The following OSBPL9 variants were observed in gnomAD, a reference collection of about 807,000 sequenced individuals.
OSBPL9 encodes the protein oxysterol-binding protein-related protein 9.
Under a neutral mutation model 106.6 loss-of-function variants are expected in OSBPL9, and 40 were observed. The ratio of observed to expected loss-of-function variants is 0.38; its 90% confidence interval spans 0.29 to 0.49. OSBPL9 has a LOEUF of 0.49. Ranked by LOEUF, OSBPL9 falls within the 20% of genes least tolerant of loss-of-function variation. The pLI is 0.97. For missense variants in OSBPL9, 609 were observed against 887.2 expected (o/e 0.69, Z 3.98); for synonymous variants, 269 against 295.4 (o/e 0.91, Z 0.92).
rs373427197 is a variant in OSBPL9, at chr1:51,707,806, C to T, written c.242-6197C>T. 2.9e-4 allele frequency: 51 copies of T among 174,426 alleles called. 1 individual carries two copies. The South Asian group carries it at 6.6e-3, about 23-fold the overall frequency. 10.8% of individuals were successfully genotyped at this position (174,426 alleles called of 1,614,324 possible). On this transcript the variant is annotated intron_variant, in intron 3 of 23. Transcript: ENST00000428468. ...GAGATGAAGACCCTTTTGGCTCTCC[C>T]CTCTAAGTGAGTCCCAGCCTTCTCC...
chr1:51,768,414 A>G (rs1180307523), intron 12 of OSBPL9, among the ~76,000 whole-genome samples: 1 of 148,514 alleles, frequency 6.7e-6, no homozygotes. Context: ...GGGTTTTGCC[A>G]TGTTGGCCAG....
At chr1:51,557,076 A>G in the OSBPL9 span, among the ~76,000 whole-genome samples, 4 of 152,074 alleles carry the variant, frequency 2.6e-5, no homozygotes, top group South Asian at 2.1e-4. Flanking sequence ...CATGTACCCC[A>G]TAAGTATATA....
chr1:51,748,483 G>T, intron 7 of OSBPL9, 85 bp downstream of exon 7: 1 of 1,315,298 alleles, frequency 7.6e-7, no homozygotes, highest in Non-Finnish European at 9.9e-7. Context: ...CACTATTGAT[G>T]ACAGCAATTG....
the OSBPL9 span, among the ~76,000 whole-genome samples, chr1:51,530,178 A>AAAAAAAAAAAAAAAAAC: frequency 8.8e-6 from 1 of 113,340 alleles, no homozygotes; most frequent in Non-Finnish European, 1.8e-5. Flanking sequence ...CTCAAAAAAA[A>AAAAAAAAAAAAAAAAAC]AAAAAAAAAA....
At chr1:51,671,671 C>G (rs1452830258) in intron 3 of OSBPL9, among the ~76,000 whole-genome samples, 1 of 151,746 alleles carries the variant, frequency 6.6e-6, no homozygotes, top group East Asian at 1.9e-4. Flanking sequence ...GTGATAAGTC[C>G]TGGGGAGAAA....
chr1:51,666,156 A>G (rs1163080531), intron 2 of OSBPL9, among the ~76,000 whole-genome samples: 1 of 152,154 alleles, frequency 6.6e-6, no homozygotes, highest in Non-Finnish European at 1.5e-5. Context: ...CCTCCGGAGA[A>G]GTTCTGTACA....
At chr1:51,775,833 A>C (rs1674953547) in intron 14 of OSBPL9, among the ~76,000 whole-genome samples, 1 of 151,826 alleles carries the variant, frequency 6.6e-6, no homozygotes, top group Non-Finnish European at 1.5e-5. Context: ...CTGGTCTCGA[A>C]CTCCTGACCT....
chr1:51,576,398 AG>A (rs1329293722), upstream of OSBPL9, among the ~76,000 whole-genome samples: 4 of 152,344 alleles, frequency 2.6e-5, no homozygotes, highest in South Asian at 6.2e-4. Context: ...CAAGGCAAAA[AG>A]ATGTGTTATG....
At chr1:51,584,827 GA>G (rs1418580472) in intron 1 of OSBPL9, among the ~76,000 whole-genome samples, 3 of 152,172 alleles carry the variant, frequency 2.0e-5, no homozygotes, top group Non-Finnish European at 4.4e-5. Context: ...AAAGGACCCT[GA>G]ATCAATCTCT....
intron 9 of OSBPL9, chr1:51,759,683 C>T (rs1671090206): frequency 6.6e-6 from 1 of 152,212 alleles, no homozygotes; most frequent in Non-Finnish European, 1.5e-5. Flanking sequence ...CATGTACACA[C>T]TCGCACCCCC....
chr1:51,651,623 A>T (rs1254443047), intron 1 of OSBPL9, among the ~76,000 whole-genome samples: 3 of 151,838 alleles, frequency 2.0e-5, no homozygotes, highest in Non-Finnish European at 2.9e-5. Flanking sequence ...AAAAAAAAAT[A>T]ATTATCTGGG....
intron 3 of OSBPL9, among the ~76,000 whole-genome samples, chr1:51,685,380 C>T (rs1653544107): frequency 6.6e-6 from 1 of 151,962 alleles, no homozygotes; most frequent in Non-Finnish European, 1.5e-5. Context: ...CTGGTAAATT[C>T]TCCAAGAAAA....
chr1:51,677,234 C>T (rs1651465576), intron 3 of OSBPL9, among the ~76,000 whole-genome samples: 1 of 152,224 alleles, frequency 6.6e-6, no homozygotes, highest in Non-Finnish European at 1.5e-5. Flanking sequence ...TTCTGATGCA[C>T]TCTTAAGTTT....
chr1:51,745,362 T>TTGA (rs1667764262), intron 4 of OSBPL9, 174 bp from the exon 5 acceptor site: 1 of 852,218 alleles, frequency 1.2e-6, no homozygotes, highest in African/African-American at 1.8e-5. Flanking sequence ...ATGAGGAAGA[T>TTGA]TGATGTACCA....
At chr1:51,606,850 T>C (rs12095729) in intron 2 of OSBPL9, among the ~76,000 whole-genome samples, 37,066 of 151,812 alleles carry the variant, frequency 0.24, 6,403 homozygotes, top group African/African-American at 0.48. Flanking sequence ...AGATCGAGAC[T>C]AGCCTGGCTA....
chr1:51,581,213 T>G (rs139536650), intron 1 of OSBPL9, among the ~76,000 whole-genome samples: 152 of 151,918 alleles, frequency 1.0e-3, no homozygotes, highest in Non-Finnish European at 1.6e-3. Context: ...GGTGAGCCAC[T>G]GCTCCTGGCC....
chr1:51,671,817 A>T (rs1649945216), intron 3 of OSBPL9, among the ~76,000 whole-genome samples: 1 of 152,216 alleles, frequency 6.6e-6, no homozygotes, highest in African/African-American at 2.4e-5. Context: ...GAAGAAAGTC[A>T]GGGAACAAAG....
intron 3 of OSBPL9, among the ~76,000 whole-genome samples, chr1:51,699,138 T>A (rs1656700260): frequency 6.6e-6 from 1 of 152,110 alleles, no homozygotes; most frequent in South Asian, 2.1e-4. Context: ...AGCACAAAAA[T>A]ACATATTCAG....
chr1:51,608,460 T>A (rs1402552781), intron 2 of OSBPL9, among the ~76,000 whole-genome samples: 1 of 88,204 alleles, frequency 1.1e-5, no homozygotes, highest in Admixed American at 1.0e-4. Flanking sequence ...GCCCAGCTAA[T>A]TTTTTTTTTT....
Sources: allele counts gnomAD v4.1 joint callset (sites outside exome capture counted in the v4.1 genomes callset), GRCh38; gene constraint gnomAD v4.1.1; transcripts MANE v1.5; gene names NCBI Gene and HGNC (gene_info 2026-07-23, HGNC 2026-07-21).